COL25A1: variants seen among roughly 807,000 people sequenced by gnomAD.
COL25A1 encodes collagen type XXV alpha 1 chain, also known as collagen alpha-1(XXV) chain.
A neutral mutation model predicts 128.4 loss-of-function variants in COL25A1; 103 were observed. The ratio of observed to expected loss-of-function variants is 0.80; its 90% CI spans 0.68 to 0.94. COL25A1 has a LOEUF of 0.94. COL25A1 is among the 40% of genes least tolerant of loss of function. The probability of loss-of-function intolerance (pLI) is 0.00; values close to 1 mark genes in which losing one functional copy is unlikely to be tolerated. For missense variants in COL25A1, 745 were observed against 840.0 expected, an observed-to-expected ratio of 0.89 and a Z score of 1.40; for synonymous variants, 279 against 277.2, an observed-to-expected ratio of 1.01 and a Z score of -0.06.
chr4:109,104,506 A>G (rs1766221649), intron 3 of COL25A1, among the ~76,000 whole-genome samples: 1 of 152,170 alleles, frequency 6.6e-6, no homozygotes, highest in Admixed American at 6.5e-5. Context: ...AAAATTAGAC[A>G]TGATGTATCT....
At chr4:108,886,490 G>GTTTTTTTT (rs201934712) in intron 18 of COL25A1, among the ~76,000 whole-genome samples, 5 of 41,862 alleles carry the variant, frequency 1.2e-4, no homozygotes, top group South Asian at 6.8e-4. Context: ...GTGTGTGTGT[G>GTTTTTTTT]TGTTTAGCTC....
intron 8 of COL25A1, among the ~76,000 whole-genome samples, chr4:108,949,816 T>G (rs1007911829): frequency 6.6e-6 from 1 of 152,220 alleles, no homozygotes; most frequent in African/African-American, 2.4e-5. Context: ...ATTACAGGCA[T>G]GAGCCACAGC....
At chr4:109,131,995 A>G (rs1459194422) in intron 3 of COL25A1, among the ~76,000 whole-genome samples, 1 of 152,216 alleles carries the variant, frequency 6.6e-6, no homozygotes, top group Non-Finnish European at 1.5e-5. Flanking sequence ...AGGGCCCCTC[A>G]GTAACTTCAT....
intron 3 of COL25A1, among the ~76,000 whole-genome samples, chr4:109,096,703 A>G (rs776553503): frequency 3.3e-5 from 5 of 152,228 alleles, no homozygotes; most frequent in Non-Finnish European, 7.3e-5. Flanking sequence ...AGCTTAATAG[A>G]AACTTTTCAT....
At chr4:108,869,030 A>T in intron 20 of COL25A1, 58 bp downstream of exon 20, 1 of 1,045,574 alleles carries the variant, frequency 9.6e-7, no homozygotes, top group East Asian at 2.5e-5. Flanking sequence ...GGAAAGAAGG[A>T]AGGAAGAAAA....
At chr4:109,009,046 C>A (rs898892749) in intron 6 of COL25A1, among the ~76,000 whole-genome samples, 2 of 152,034 alleles carry the variant, frequency 1.3e-5, no homozygotes, top group African/African-American at 4.8e-5. Flanking sequence ...CACTTGAACC[C>A]GGGAGGCGGA....
intron 20 of COL25A1, among the ~76,000 whole-genome samples, chr4:108,868,548 A>G (rs150464994): frequency 5.7e-5 from 8 of 140,174 alleles, no homozygotes; most frequent in East Asian, 2.1e-4. Context: ...AGAAAAGAAA[A>G]AAGAAAGAAA....
intron 3 of COL25A1, among the ~76,000 whole-genome samples, chr4:109,284,822 C>T (rs1723715238): frequency 6.7e-6 from 1 of 148,412 alleles, no homozygotes; most frequent in South Asian, 2.1e-4. Flanking sequence ...GAATTTGTCC[C>T]CCCATGCCCC....
intron 3 of COL25A1, among the ~76,000 whole-genome samples, chr4:109,236,840 T>C (rs1304742003): frequency 1.3e-5 from 2 of 152,168 alleles, no homozygotes; most frequent in South Asian, 2.1e-4. Flanking sequence ...CTTTATTATA[T>C]CTAGTTCTCA....
intron 3 of COL25A1, among the ~76,000 whole-genome samples, chr4:109,107,034 G>A (rs1766502114): frequency 1.3e-5 from 2 of 152,124 alleles, no homozygotes; most frequent in South Asian, 4.1e-4. Context: ...CTCCCGAAGT[G>A]TTGGGATTAC....
At chr4:109,041,272 GA>G (rs1759866783) in intron 5 of COL25A1, among the ~76,000 whole-genome samples, 1 of 152,010 alleles carries the variant, frequency 6.6e-6, no homozygotes, top group African/African-American at 2.4e-5. Flanking sequence ...CACTATCAAT[GA>G]GATTATGAAG....
At chr4:109,241,432 T>C (rs1239435028) in intron 3 of COL25A1, among the ~76,000 whole-genome samples, 2 of 152,024 alleles carry the variant, frequency 1.3e-5, no homozygotes, top group African/African-American at 2.4e-5. Context: ...TTTAAAATAA[T>C]AGAAACCTTG....
chr4:108,912,420 T>C (rs183818563), intron 13 of COL25A1, among the ~76,000 whole-genome samples: 4 of 152,310 alleles, frequency 2.6e-5, no homozygotes, highest in Admixed American at 2.6e-4. Flanking sequence ...GGTTGTAAGA[T>C]ACTTTCCTTG....
intron 9 of COL25A1, 61 bp downstream of exon 9, chr4:108,941,305 G>T (rs2125928599): frequency 7.4e-7 from 1 of 1,342,660 alleles, no homozygotes; most frequent in Non-Finnish European, 1.1e-6. Flanking sequence ...TAAAGCAATA[G>T]GTACACAGAG....
intron 3 of COL25A1, among the ~76,000 whole-genome samples, chr4:109,126,852 AC>A: frequency 6.6e-6 from 1 of 152,200 alleles, no homozygotes; most frequent in Non-Finnish European, 1.5e-5. Flanking sequence ...GCACATGTAT[AC>A]ATATGTAACT....
chr4:108,987,392 T>G (rs1306064253), intron 6 of COL25A1, among the ~76,000 whole-genome samples: 1 of 152,030 alleles, frequency 6.6e-6, no homozygotes, highest in Non-Finnish European at 1.5e-5. Flanking sequence ...CTTTTTTTTT[T>G]TGAGATGGAG....
At chr4:108,874,880 T>C (rs1431443416) in intron 19 of COL25A1, among the ~76,000 whole-genome samples, 3 of 152,212 alleles carry the variant, frequency 2.0e-5, no homozygotes, top group African/African-American at 7.2e-5. Flanking sequence ...TAATCCGTTT[T>C]TTTTCCCCTC....
At chr4:109,004,749 A>G (rs1268578812) in intron 6 of COL25A1, among the ~76,000 whole-genome samples, 3 of 152,114 alleles carry the variant, frequency 2.0e-5, no homozygotes, top group Non-Finnish European at 2.9e-5. Context: ...AAGCTTCCTA[A>G]GACTTCCCTA....
chr4:109,099,620 A>AT (rs1255082819), intron 3 of COL25A1, among the ~76,000 whole-genome samples: 2 of 136,356 alleles, frequency 1.5e-5, no homozygotes, highest in African/African-American at 6.2e-5. Context: ...TCCCAAAGTT[A>AT]TAAAAAAAAA....
Sources: gnomAD v4.1 joint callset for allele counts (sites outside exome capture counted in the v4.1 genomes callset) on GRCh38, gnomAD v4.1.1 for gene constraint, MANE v1.5 for transcripts, NCBI Gene and HGNC (gene_info 2026-07-23, HGNC 2026-07-21) for gene names.